Variants in OGFOD1 observed in about 807,000 individuals in gnomAD.
OGFOD1 encodes 2-oxoglutarate and iron dependent oxygenase domain containing 1.
OGFOD1 carries 54 observed loss-of-function variants against 67.7 expected under a neutral mutation model. The observed-to-expected ratio is 0.80, with a 90% CI of 0.64 to 1.00. The LOEUF (loss-of-function observed/expected upper bound fraction) is 1.00. Among genes scored for constraint, OGFOD1 ranks in the 50% least tolerant of loss-of-function variants. The pLI, the probability that OGFOD1 is intolerant of heterozygous loss-of-function variation, is 0.00. For synonymous variants in OGFOD1, 221 were observed against 227.0 expected, an observed-to-expected ratio of 0.97 and a Z score of 0.24; for missense variants, 606 against 646.7, an observed-to-expected ratio of 0.94 and a Z score of 0.68.
chr16:56,458,136 G>T, intron 2 of OGFOD1: 1 of 202,404 alleles, frequency 4.9e-6, no homozygotes, highest in South Asian at 8.2e-5. Context: ...TCAAGTCTTT[G>T]TATCACCTCC....
At position 56,476,852 on chromosome 16, in the gene OGFOD1, C is replaced by T. The variant is rs1351673788; in HGVS notation, c.*647C>T. Reference sequence around the variant, plus strand: ...AGAAAAACTCATACGTGATTGCAGCCGGGCATGGTGGCTCACGCCTGTAAT... The same window carrying T: ...AGAAAAACTCATACGTGATTGCAGCTGGGCATGGTGGCTCACGCCTGTAAT... On this transcript the variant is annotated 3_prime_UTR_variant, in exon 13 of 13. Coordinates refer to ENST00000566157, the MANE Select transcript of OGFOD1 (RefSeq NM_018233.4). The T allele has an allele frequency of 2.6e-5, 4 of 152,404 alleles. No individual in the cohort carries two copies. The highest frequency in any genetic ancestry group is 2.1e-4 in the South Asian group (1 of 4,824). 9.4% of individuals were successfully genotyped at this position (152,404 alleles called of 1,614,324 possible).
At chr16:56,475,654 G>T in intron 12 of OGFOD1, 89 bp downstream of exon 12, 1 of 1,043,458 alleles carries the variant, frequency 9.6e-7, no homozygotes, top group South Asian at 1.3e-5. Context: ...CCTTCTACCA[G>T]TGTCTTTAGC....
At chr16:56,466,327 A>G (rs1320620267) in intron 5 of OGFOD1, 59 bp downstream of exon 5, 27 of 1,032,792 alleles carry the variant, frequency 2.6e-5, no homozygotes, top group Non-Finnish European at 3.8e-5. Flanking sequence ...GTTAAAGCTG[A>G]GTTGATTCAG....
At chr16:56,454,313 A>C (rs1412158963) in intron 2 of OGFOD1, among the ~76,000 whole-genome samples, 3 of 152,116 alleles carry the variant, frequency 2.0e-5, no homozygotes, top group Non-Finnish European at 4.4e-5. Context: ...ACATCATTGC[A>C]CTCCAACCTG....
At position 56,462,635 on chromosome 16, in the gene OGFOD1, G is replaced by A. The variant is rs554368728; in HGVS notation, c.448+1G>A. ...TCCTGTGCTAAATATGAATTCACTG[G>A]TAAGGAAGATAAAGGCCTGGTGTCT... On this transcript the variant is annotated splice_donor_variant, in intron 4 of 12. Transcript: ENST00000566157. LOFTEE classifies it high-confidence loss of function. The A allele has an allele frequency of 4.5e-6, 7 of 1,566,386 alleles. No homozygotes were observed. The highest frequency in any genetic ancestry group is 4.5e-5 in the East Asian group (2 of 44,642).
chr16:56,466,263 T>C lies in OGFOD1; in HGVS notation c.560T>C (p.Ile187Thr), dbSNP rs755357391. 7 of 1,603,644 alleles carry C rather than the reference T, an allele frequency of 4.4e-6. No individual in the cohort carries two copies. The highest frequency in any genetic ancestry group is 6.0e-6 in the Non-Finnish European group (7 of 1,170,530). Residue 187 changes from isoleucine to threonine, a missense_variant, in exon 5 of 13, where the codon ATT becomes ACT. Transcript: ENST00000566157. ...GGTGGTACCCTGGACCTGTACAGCATTGATGGTAAGATAAGTATAAGTGCA... is the reference window on the plus strand; with the variant it reads ...GGTGGTACCCTGGACCTGTACAGCACTGATGGTAAGATAAGTATAAGTGCA... The part of the protein sequence containing the change: ...SMGGTLDLYS[I>T]DEHFQPKQIV...
chr16:56,472,223 T>C (rs574814814), intron 10 of OGFOD1, among the ~76,000 whole-genome samples: 4 of 152,126 alleles, frequency 2.6e-5, no homozygotes, highest in African/African-American at 9.6e-5. Flanking sequence ...TCCTACCTTG[T>C]CCTCCCAAAG....
chr16:56,463,279 T>C (rs565552283), intron 4 of OGFOD1, among the ~76,000 whole-genome samples: 10 of 152,004 alleles, frequency 6.6e-5, no homozygotes, highest in African/African-American at 2.4e-4. Context: ...TCATACACTG[T>C]CCTGGAAGTA....
At chr16:56,454,444 GTT>G (rs1176565090) in intron 2 of OGFOD1, among the ~76,000 whole-genome samples, 6 of 142,794 alleles carry the variant, frequency 4.2e-5, no homozygotes, top group South Asian at 2.2e-4. Context: ...CGTTAAATCC[GTT>G]CTTTTTTTTT....
intron 1 of OGFOD1, 90 bp downstream of exon 1, chr16:56,451,856 G>T (rs1962349524): frequency 1.4e-6 from 2 of 1,426,420 alleles, no homozygotes; most frequent in African/African-American, 1.4e-5. Context: ...CTTGGGCAGC[G>T]GGGCCGCAAG....
In OGFOD1 at chr16:56,466,250, G is replaced by GA; in HGVS notation, c.548dup (p.Asp183GlufsTer6). On this transcript the variant is annotated frameshift_variant, in exon 5 of 13. Transcript: ENST00000566157. LOFTEE classifies it high-confidence loss of function. Reference sequence around the variant, plus strand: ...GGACAGGAGCATGGGTGGTACCCTGGACCTGTACAGCATTGATGGTAAGAT... The same window carrying GA: ...GGACAGGAGCATGGGTGGTACCCTGGAACCTGTACAGCATTGATGGTAAGAT... 1 of 1,611,262 alleles carries GA rather than the reference G, an allele frequency of 6.2e-7. No individual in the cohort carries two copies.
chr16:56,454,688 A>AT (rs758081010), intron 2 of OGFOD1: 6,916 of 310,248 alleles, frequency 0.022, 10 homozygotes, highest in East Asian at 0.05. Context: ...ATGAAGAATA[A>AT]TTTTTTTTTT....
chr16:56,470,131 C>T (rs1963100078), intron 9 of OGFOD1, 49 bp downstream of exon 9: 1 of 1,517,188 alleles, frequency 6.6e-7, no homozygotes. Flanking sequence ...GCACCTATAA[C>T]ATTTTTTTAT....
Position 56,451,593 on chromosome 16 carries a change from G to A in OGFOD1, c.-20G>A. ...GTAGCGTCTTGATCTGCGTGGCGTG[G>A]TTCTGTGCCTTGGGAAGAGATGAAT... On this transcript the variant is annotated 5_prime_UTR_variant, in exon 1 of 13. Transcript: ENST00000566157. 1.9e-6 allele frequency: 3 copies of A among 1,612,934 alleles called. No homozygotes were observed. The highest frequency in any genetic ancestry group is 2.5e-6 in the Non-Finnish European group (3 of 1,179,926).
At chr16:56,475,647 T>C (rs1963436220) in intron 12 of OGFOD1, 82 bp downstream of exon 12, 1 of 1,078,878 alleles carries the variant, frequency 9.3e-7, no homozygotes. Context: ...TTTATGACCT[T>C]CTACCAGTGT....
chr16:56,467,141 G>A, intron 6 of OGFOD1, 24 bp from the exon 7 acceptor site: 1 of 1,614,036 alleles, frequency 6.2e-7, no homozygotes, highest in South Asian at 1.1e-5. Flanking sequence ...TCGTGTTGAT[G>A]TGCTACTGGG....
intron 5 of OGFOD1, 137 bp downstream of exon 5, chr16:56,466,405 C>T: frequency 1.6e-6 from 1 of 608,176 alleles, no homozygotes; most frequent in Non-Finnish European, 2.9e-6. Context: ...ATAGTAACTA[C>T]CTCAAGAGGA....
Position 56,467,191 on chromosome 16 carries a change from G to C in OGFOD1, c.684G>C (p.Lys228Asn). Residue 228 changes from lysine to asparagine, a missense_variant, in exon 7 of 13, where the codon AAG becomes AAC. Coordinates refer to ENST00000566157, the MANE Select transcript of OGFOD1 (RefSeq NM_018233.4). Reference protein sequence around the residue: ...HQVSEVLSEEKSRLSISGWFH... With the variant: ...HQVSEVLSEENSRLSISGWFH... ...TGTCTGAAGTGCTGTCTGAAGAAAA[G>C]TCACGTTTGTCTATAAGTGGCTGGT... The C allele has an allele frequency of 6.2e-7, 1 of 1,614,086 alleles. No homozygotes were observed. The highest frequency in any genetic ancestry group is 8.5e-7 in the Non-Finnish European group (1 of 1,180,012).
intron 10 of OGFOD1, among the ~76,000 whole-genome samples, chr16:56,471,565 G>A (rs1375116658): frequency 6.6e-6 from 1 of 152,186 alleles, no homozygotes; most frequent in Non-Finnish European, 1.5e-5. Flanking sequence ...TTACTACTAT[G>A]TCAGTGAGAA....
Sources: allele counts gnomAD v4.1 joint callset (sites outside exome capture counted in the v4.1 genomes callset), GRCh38; gene constraint gnomAD v4.1.1; transcripts MANE v1.5; gene names NCBI Gene and HGNC (gene_info 2026-07-23, HGNC 2026-07-21).